ITGA6: variants seen among roughly 807,000 people sequenced by gnomAD.
The protein encoded by ITGA6 is integrin alpha-6.
In ITGA6, 63 loss-of-function variants were observed where a neutral mutation model predicts 133.6. The ratio of observed to expected loss-of-function variants is 0.47; its 90% CI spans 0.38 to 0.58. The LOEUF (loss-of-function observed/expected upper bound fraction) is 0.58, where lower values mean the gene tolerates loss of function less well. ITGA6 is among the 20% of genes least tolerant of loss of function. ITGA6 has a pLI of 0.00. For synonymous variants in ITGA6, 434 were observed against 482.0 expected, an observed-to-expected ratio of 0.90 and a Z score of 1.30; for missense variants, 1,068 against 1,309.4, an observed-to-expected ratio of 0.82 and a Z score of 2.85.
At chr2:172,464,045 T>C (rs565131497) in intron 1 of ITGA6, among the ~76,000 whole-genome samples, 2 of 152,246 alleles carry the variant, frequency 1.3e-5, no homozygotes, top group East Asian at 1.9e-4. Context: ...GTGTGCTGTT[T>C]TGTTCCTTCA....
Position 172,487,582 on chromosome 2 carries a change from C to T in ITGA6, c.2196C>T (p.Gly732=), listed in dbSNP as rs1245002947. Residue 732 remains glycine (G), a synonymous_variant, in exon 16 of 26, where the codon GGC becomes GGT. Transcript: ENST00000684293. Reference sequence around the variant, plus strand: ...TGAGTTGTGTTGCCAACCAGAATGGCTCGCAAGCTGACTGTGAGCTCGGAA... The same window carrying T: ...TGAGTTGTGTTGCCAACCAGAATGGTTCGCAAGCTGACTGTGAGCTCGGAA... ...KQLSCVANQN[G]SQADCELGNP... is the part of the protein sequence containing the mutation. 6.2e-7 allele frequency: 1 copy of T among 1,614,054 alleles called. No homozygotes were observed. The highest frequency in any genetic ancestry group is 1.3e-5 in the African/African-American group (1 of 74,940).
At chr2:172,475,552 T>C in intron 7 of ITGA6, 45 bp from the exon 8 acceptor site, 1 of 1,013,488 alleles carries the variant, frequency 9.9e-7, no homozygotes, top group Non-Finnish European at 1.6e-6. Context: ...ACTAGAGTGT[T>C]TCTAAAGCGT....
At chr2:172,429,896 G>T (rs923392369) in intron 1 of ITGA6, among the ~76,000 whole-genome samples, 1 of 152,168 alleles carries the variant, frequency 6.6e-6, no homozygotes, top group African/African-American at 2.4e-5. Context: ...AATAGCATTG[G>T]TCTTCCCAGG....
chr2:172,501,910 T>C lies in ITGA6; in HGVS notation c.*22+9T>C, dbSNP rs1410010475. The C allele has an allele frequency of 1.9e-6, 3 of 1,608,850 alleles. No individual in the cohort carries two copies. Among genetic ancestry groups the C allele is most frequent in the Non-Finnish European group, 2.5e-6 (3 of 1,178,400 alleles). ...ATCTACTTCTGTAATTGGTAATTGATCAATGTTTTTTAATTGCTAGCTGTG... is the reference window on the plus strand; with the variant it reads ...ATCTACTTCTGTAATTGGTAATTGACCAATGTTTTTTAATTGCTAGCTGTG... On this transcript the variant is annotated intron_variant, in intron 25 of 25. Coordinates refer to ENST00000684293, the MANE Select transcript of ITGA6 (RefSeq NM_000210.4).
Position 172,480,012 on chromosome 2 carries a change from G to A in ITGA6, c.1510G>A (p.Glu504Lys). The change falls in exon 11 of 26, where the codon GAA becomes AAA. Residue 504 changes from glutamate to lysine, a missense_variant. Transcript: ENST00000684293. ...GICLQVKSCF[E>K]YTANPAGYNP... ...CAGCCTCCAGGTTAAATCCTGTTTT[G>A]AATATACTGCTAACCCCGCTGGTTA... The A allele has an allele frequency of 1.3e-6, 2 of 1,594,808 alleles. No homozygotes were observed. The highest frequency in any genetic ancestry group is 1.7e-6 in the Non-Finnish European group (2 of 1,162,468).
chr2:172,449,942 A>G (rs12052250), intron 1 of ITGA6, among the ~76,000 whole-genome samples: 7,256 of 146,594 alleles, frequency 0.049, 280 homozygotes, highest in East Asian at 0.23. Flanking sequence ...AAAAAAAAAA[A>G]AGAGAGAGAA....
intron 1 of ITGA6, among the ~76,000 whole-genome samples, chr2:172,436,974 G>C (rs957041115): frequency 1.3e-5 from 2 of 152,216 alleles, no homozygotes; most frequent in African/African-American, 4.8e-5. Context: ...AGTGCAGATG[G>C]GGAGGGAAGT....
intron 23 of ITGA6, chr2:172,495,659 C>CA (rs1260543740): frequency 6.6e-6 from 1 of 152,340 alleles, no homozygotes; most frequent in Non-Finnish European, 1.5e-5. Flanking sequence ...GTAGCCAACC[C>CA]AGTCCCTGAC....
At chr2:172,501,324 T>C (rs1017968948) in intron 24 of ITGA6, among the ~76,000 whole-genome samples, 1 of 152,226 alleles carries the variant, frequency 6.6e-6, no homozygotes, top group Admixed American at 6.5e-5. Context: ...AAAATACCCA[T>C]AGTATATCTA....
rs560863640 is a variant in ITGA6, at chr2:172,468,260, A to G, written c.387+700A>G. ...TGTTATTTATTCTGAGTTTTTTCAA[A>G]TAGAAGGGATAGCAAAGAAAAGAGG... On this transcript the variant is annotated intron_variant, in intron 3 of 25. Transcript: ENST00000684293. Among the ~76,000 whole-genome samples, 11 of 152,326 alleles carry G rather than the reference A, an allele frequency of 7.2e-5. No individual in the cohort carries two copies. The South Asian group carries it at 2.3e-3, about 32-fold the overall frequency.
intron 25 of ITGA6, among the ~76,000 whole-genome samples, chr2:172,503,256 C>T (rs1574424059): frequency 6.6e-6 from 1 of 151,986 alleles, no homozygotes; most frequent in African/African-American, 2.4e-5. Context: ...AATTTAATCT[C>T]AATTCAAATT....
chr2:172,486,788 C>G (rs987336161), intron 13 of ITGA6, among the ~76,000 whole-genome samples: 11 of 152,122 alleles, frequency 7.2e-5, no homozygotes, highest in African/African-American at 2.4e-4. Flanking sequence ...GCTGCTGGGT[C>G]ACACTCTTCT....
intron 25 of ITGA6, among the ~76,000 whole-genome samples, chr2:172,502,329 G>A (rs763527212): frequency 4.6e-5 from 7 of 152,022 alleles, no homozygotes; most frequent in Non-Finnish European, 7.4e-5. Flanking sequence ...AAGCTGTGTC[G>A]ACCGCCTAAT....
At position 172,487,401 on chromosome 2, in the gene ITGA6, C is replaced by T. The variant is rs778476508; in HGVS notation, c.2108C>T (p.Thr703Met). 20 of 1,614,032 alleles carry T rather than the reference C, an allele frequency of 1.2e-5. No homozygotes were observed. Among genetic ancestry groups the T allele is most frequent in the South Asian group, 7.7e-5 (7 of 91,080 alleles). Residue 703 changes from threonine to methionine, a missense_variant, in exon 15 of 26, where the codon ACG becomes ATG. By Grantham distance (81) the Thr-to-Met change is moderately conservative. Around this residue, in one of 3 missense-constraint regions of ITGA6, gnomAD observed 609 missense variants for 707.2 expected, o/e 0.86. Coordinates refer to ENST00000684293, the MANE Select transcript of ITGA6 (RefSeq NM_000210.4). ...DDAHEAKLIA[T>M]FPDTLTYSAY... is the part of the protein sequence containing the mutation. The stretch of plus-strand genomic sequence containing the variant: ...GCCCATGAGGCTAAACTGATTGCAA[C>T]GTTTCCAGACACTTTAACCTATTCT...
intron 1 of ITGA6, among the ~76,000 whole-genome samples, chr2:172,431,117 C>T (rs542603802): frequency 1.3e-5 from 2 of 152,300 alleles, no homozygotes; most frequent in African/African-American, 2.4e-5. Context: ...TCCAGGCCCG[C>T]GGTCTGTTCT....
At chr2:172,440,504 A>G (rs1306850671) in intron 1 of ITGA6, among the ~76,000 whole-genome samples, 1 of 152,232 alleles carries the variant, frequency 6.6e-6, no homozygotes, top group Non-Finnish European at 1.5e-5. Context: ...GTTGTTTCAT[A>G]TTATGAGGCC....
intron 1 of ITGA6, among the ~76,000 whole-genome samples, chr2:172,457,433 T>G (rs1370670302): frequency 6.6e-6 from 1 of 152,156 alleles, no homozygotes; most frequent in Non-Finnish European, 1.5e-5. Flanking sequence ...AAAACTGGGT[T>G]AGGCATTGCT....
chr2:172,469,355 A>G lies in ITGA6; in HGVS notation c.618A>G (p.Gly206=). ...FTKDFHYIVF[G]APGTYNWKGI... Reference sequence around the variant, plus strand: ...AAGACTTTCATTACATTGTATTTGGAGCCCCGGGTACTTATAACTGGAAAG... The same window carrying G: ...AAGACTTTCATTACATTGTATTTGGGGCCCCGGGTACTTATAACTGGAAAG... The change falls in exon 4 of 26, where the codon GGA becomes GGG. Residue 206 remains glycine, a synonymous_variant. Coordinates refer to ENST00000684293, the MANE Select transcript of ITGA6 (RefSeq NM_000210.4). 1 of 1,613,994 alleles carries G rather than the reference A, an allele frequency of 6.2e-7. No individual in the cohort carries two copies. Among genetic ancestry groups the G allele is most frequent in the Non-Finnish European group, 8.5e-7 (1 of 1,179,908 alleles).
chr2:172,431,990 GATTTA>G (rs1175127764), intron 1 of ITGA6, among the ~76,000 whole-genome samples: 1 of 152,170 alleles, frequency 6.6e-6, no homozygotes, highest in African/African-American at 2.4e-5. Flanking sequence ...AATATATTGA[GATTTA>G]ATTTAAGCTT....
Sources: allele counts gnomAD v4.1 joint callset (sites outside exome capture counted in the v4.1 genomes callset), GRCh38; gene constraint gnomAD v4.1.1; regional missense constraint gnomAD v4.1.1; transcripts MANE v1.5; gene names NCBI Gene and HGNC (gene_info 2026-07-23, HGNC 2026-07-21).